The following BCORL1 variants were observed in gnomAD, a reference collection of about 807,000 sequenced individuals.
BCORL1 encodes BCL-6 corepressor-like protein 1.
In BCORL1, 7 loss-of-function variants were observed where a neutral mutation model predicts 87.6. The ratio of observed to expected loss-of-function variants is 0.08; its 90% confidence interval spans 0.05 to 0.15. The LOEUF (loss-of-function observed/expected upper bound fraction) is 0.15, where lower values mean the gene tolerates loss of function less well. BCORL1 is among the 10% of genes least tolerant of loss of function. BCORL1 has a pLI of 1.00. For missense variants in BCORL1, 1,215 were observed against 1,499.7 expected, an observed-to-expected ratio of 0.81 and a Z score of 3.13; for synonymous variants, 591 against 634.4, an observed-to-expected ratio of 0.93 and a Z score of 1.03.
At chrX:130,041,922 C>T (rs1349052176) in intron 11 of BCORL1, among the ~76,000 whole-genome samples, 2 of 111,762 alleles carry the variant, frequency 1.8e-5, no homozygotes, top group Non-Finnish European at 3.8e-5. Context: ...CCACCGCGCC[C>T]GGCCCCAGAG....
At chrX:130,000,843 T>G (rs1271521738) in intron 1 of BCORL1, among the ~76,000 whole-genome samples, 1 of 110,589 alleles carries the variant, frequency 9.0e-6, no homozygotes, top group African/African-American at 3.3e-5. Context: ...AGTGCATAGT[T>G]TTTTCATTGG....
intron 7 of BCORL1, 70 bp downstream of exon 7, chrX:130,025,449 C>T (rs1367616496): frequency 2.2e-5 from 22 of 1,020,424 alleles, no homozygotes; most frequent in East Asian, 3.2e-5. Context: ...GGCATCTCTA[C>T]GCCAGCCAAA....
At chrX:130,037,894 C>A (rs1305082082) in intron 10 of BCORL1, among the ~76,000 whole-genome samples, 1 of 111,587 alleles carries the variant, frequency 9.0e-6, no homozygotes, top group Non-Finnish European at 1.9e-5. Flanking sequence ...CTCAAAAAAA[C>A]ATAAAAAATA....
intron 1 of BCORL1, among the ~76,000 whole-genome samples, chrX:129,997,634 A>G (rs1246969170): frequency 9.2e-6 from 1 of 108,170 alleles, no homozygotes; most frequent in African/African-American, 3.4e-5. Context: ...TCTACTAAAA[A>G]TACAAAAATT....
At chrX:130,029,650 TC>T (rs1345201914) in intron 8 of BCORL1, among the ~76,000 whole-genome samples, 1 of 105,086 alleles carries the variant, frequency 9.5e-6, no homozygotes, top group Non-Finnish European at 2.0e-5. Context: ...TTTTTTTTTT[TC>T]TCTCTCTCTC....
chrX:130,023,224 T>C (rs1929977919), intron 6 of BCORL1, among the ~76,000 whole-genome samples: 1 of 111,870 alleles, frequency 8.9e-6, no homozygotes, highest in African/African-American at 3.3e-5. Flanking sequence ...TTGACATCTC[T>C]TGTTGGGAGC....
chrX:130,055,767 C>T (rs2051630476), intron 13 of BCORL1, 87 bp from the exon 14 acceptor site: 1 of 981,530 alleles, frequency 1.0e-6, no homozygotes, highest in Non-Finnish European at 1.4e-6. Context: ...GTCGTGCAGC[C>T]TTTGTGGGCT....
Position 130,015,418 on chromosome X carries a change from C to T in BCORL1, c.2646C>T (p.His882=), listed in dbSNP as rs950916274. 1.3e-5 allele frequency: 16 copies of T among 1,211,047 alleles called. 1 individual carries two copies. The highest frequency in any genetic ancestry group is 5.2e-5 in the African/African-American group (3 of 57,495). Residue 882 remains histidine (H), a synonymous_variant, in exon 4 of 14, where the codon CAC becomes CAT. Transcript: ENST00000540052. ...CTCTCAGCTCCAGCGAAGCCGTGCA[C>T]GGACTTCCTGAGGGGCAACCACGGC... The part of the protein sequence containing the change: ...VPSLSSSEAV[H]GLPEGQPRPG...
At chrX:130,025,546 G>A (rs1930195063) in intron 7 of BCORL1, among the ~76,000 whole-genome samples, 167 bp downstream of exon 7, 1 of 111,420 alleles carries the variant, frequency 9.0e-6, no homozygotes, top group African/African-American at 3.3e-5. Flanking sequence ...TTTGGCTTTG[G>A]GTTGACATTG....
intron 7 of BCORL1, 32 bp from the exon 8 acceptor site, chrX:130,028,603 A>T: frequency 8.8e-7 from 1 of 1,136,508 alleles, no homozygotes; most frequent in Non-Finnish European, 1.2e-6. Flanking sequence ...CATTTCTCTG[A>T]CATCCGTTCT....
At position 130,013,894 on chromosome X, in the gene BCORL1, C is replaced by T. The variant is rs1206527572; in HGVS notation, c.1122C>T (p.Pro374=). The T allele has an allele frequency of 1.1e-5, 13 of 1,165,984 alleles. No individual in the cohort carries two copies. The highest frequency in any genetic ancestry group is 7.6e-5 in the South Asian group (4 of 52,604). The change falls in exon 4 of 14, where the codon CCC becomes CCT. Residue 374 remains proline (P), a synonymous_variant. Coordinates refer to ENST00000540052, the MANE Select transcript of BCORL1 (RefSeq NM_001379451.1). ...SGPPSTPTLI[P]AFAPTPVPAP... ...CACCTTCTACCCCCACCCTCATCCC[C>T]GCCTTTGCTCCTACACCGGTGCCTG...
intron 1 of BCORL1, among the ~76,000 whole-genome samples, chrX:129,992,743 A>G (rs760491041): frequency 3.6e-5 from 4 of 111,365 alleles, no homozygotes; most frequent in African/African-American, 1.3e-4. Flanking sequence ...TTTTTTGTAG[A>G]GACGGGGTTT....
chrX:129,987,349 G>A (rs1323870047), intron 1 of BCORL1, among the ~76,000 whole-genome samples: 1 of 112,122 alleles, frequency 8.9e-6, no homozygotes, highest in Non-Finnish European at 1.9e-5. Context: ...AAGAGCCAAA[G>A]GAGGAAGATA....
chrX:130,037,688 C>T (rs1203174323), intron 10 of BCORL1, among the ~76,000 whole-genome samples, 155 bp downstream of exon 10: 1 of 111,096 alleles, frequency 9.0e-6, no homozygotes, highest in Non-Finnish European at 1.9e-5. Flanking sequence ...GTCAGGAGTT[C>T]GAGACCAGCC....
At chrX:129,998,376 G>A (rs753765722) in intron 1 of BCORL1, among the ~76,000 whole-genome samples, 13 of 110,240 alleles carry the variant, frequency 1.2e-4, no homozygotes, top group Non-Finnish European at 1.9e-4. Flanking sequence ...GGGGGGAGGT[G>A]GGAAGGGAGA....
intron 2 of BCORL1, among the ~76,000 whole-genome samples, chrX:130,007,366 C>T (rs186535856): frequency 2.7e-5 from 3 of 112,587 alleles, no homozygotes; most frequent in African/African-American, 6.4e-5. Context: ...AGCATGTCCT[C>T]AGATGATCAC....
intron 1 of BCORL1, among the ~76,000 whole-genome samples, chrX:129,988,722 G>A (rs1032432195): frequency 6.3e-5 from 7 of 111,636 alleles, no homozygotes; most frequent in Admixed American, 1.9e-4. Flanking sequence ...TTTACCGTGG[G>A]TCTGCTGAGA....
intron 11 of BCORL1, among the ~76,000 whole-genome samples, chrX:130,042,660 T>A (rs751564150): frequency 9.0e-6 from 1 of 111,723 alleles, no homozygotes; most frequent in South Asian, 3.8e-4. Context: ...AAAATTTACC[T>A]AACATAATCA....
chrX:130,015,209 A>G lies in BCORL1; in HGVS notation c.2437A>G (p.Ile813Val). The G allele has an allele frequency of 8.3e-7, 1 of 1,211,746 alleles. No individual in the cohort carries two copies. Among genetic ancestry groups the G allele is most frequent in the Non-Finnish European group, 1.1e-6 (1 of 895,509 alleles). The change falls in exon 4 of 14, where the codon ATT (isoleucine) becomes GTT (valine). Residue 813 changes from isoleucine to valine, a missense_variant. By Grantham distance (29) the Ile-to-Val change is conservative. Transcript: ENST00000540052. Reference sequence around the variant, plus strand: ...GTGGAAACCCACGGGGCCGGCAAATATTTATCCCCGGTGTTCAGTCAATGG... The same window carrying G: ...GTGGAAACCCACGGGGCCGGCAAATGTTTATCCCCGGTGTTCAGTCAATGG... ...SLWKPTGPAN[I>V]YPRCSVNGKP...
Sources: gnomAD v4.1 joint callset for allele counts (sites outside exome capture counted in the v4.1 genomes callset) on GRCh38, gnomAD v4.1.1 for gene constraint, MANE v1.5 for transcripts, NCBI Gene and HGNC (gene_info 2026-07-23, HGNC 2026-07-21) for gene names.